Variants in MKLN1 observed in about 807,000 individuals in gnomAD.
MKLN1 encodes the protein muskelin 1.
A neutral mutation model predicts 99.0 loss-of-function variants in MKLN1; 18 were observed. That is an observed-to-expected ratio of 0.18 (90% confidence interval 0.13 to 0.27). The LOEUF (loss-of-function observed/expected upper bound fraction) is 0.27. Among genes scored for constraint, MKLN1 ranks in the 10% least tolerant of loss-of-function variants. The pLI is 1.00. For synonymous variants in MKLN1, 288 were observed against 293.2 expected (o/e 0.98, Z 0.18); for missense variants, 621 against 875.9 (o/e 0.71, Z 3.67).
chr7:131,438,943 C>G (rs1177530273), intron 10 of MKLN1, among the ~76,000 whole-genome samples: 1 of 151,822 alleles, frequency 6.6e-6, no homozygotes, highest in Non-Finnish European at 1.5e-5. Context: ...TATCCTATTG[C>G]CATATTTCTA....
intron 8 of MKLN1, among the ~76,000 whole-genome samples, chr7:131,416,979 CAAAAAAAAA>C (rs374145180): frequency 6.1e-5 from 3 of 49,564 alleles, no homozygotes; most frequent in African/African-American, 1.3e-4. Flanking sequence ...GCAACCCTGT[CAAAAAAAAA>C]AAAAAAAAAA....
chr7:131,478,885 T>C (rs1797040989), intron 17 of MKLN1: 1 of 611,718 alleles, frequency 1.6e-6, no homozygotes, highest in East Asian at 2.8e-5. Context: ...ATGACTATTA[T>C]ACCAATTGCT....
At chr7:131,315,896 T>G (rs983678721) in intron 3 of MKLN1, among the ~76,000 whole-genome samples, 2 of 152,164 alleles carry the variant, frequency 1.3e-5, no homozygotes, top group Non-Finnish European at 2.9e-5. Context: ...ACAGCCCCAG[T>G]CAGGGGCTTA....
In MKLN1 at chr7:131,200,645, A is replaced by G. The variant is rs1418753184; in HGVS notation, c.-296-2212A>G. 2.0e-5 allele frequency among the ~76,000 whole-genome samples: 3 copies of G among 152,226 alleles called. No homozygotes were observed. In the East Asian group the frequency reaches 5.8e-4, roughly 29 times the overall value. ...GGTAACCATTATATCAAAATTGAAGATAATTACTTAATCAAAAGTACAGAT... is the reference window on the plus strand; with the variant it reads ...GGTAACCATTATATCAAAATTGAAGGTAATTACTTAATCAAAAGTACAGAT... On this transcript the variant is annotated intron_variant, in intron 2 of 7. Coordinates refer to the MKLN1 transcript ENST00000416992.
At chr7:131,353,586 ACTTAAAAGT>A (rs1799782413) in intron 1 of MKLN1, among the ~76,000 whole-genome samples, 1 of 152,052 alleles carries the variant, frequency 6.6e-6, no homozygotes, top group Non-Finnish European at 1.5e-5. Flanking sequence ...CTTTTCAACC[ACTTAAAAGT>A]CTTTCTCAAA....
intron 3 of MKLN1, among the ~76,000 whole-genome samples, chr7:131,312,872 T>C (rs1230960993): frequency 1.3e-5 from 2 of 152,180 alleles, no homozygotes; most frequent in Non-Finnish European, 2.9e-5. Context: ...ATGGAGACAA[T>C]GCCTGGAGGA....
At chr7:131,381,133 CA>C (rs1264492331) in intron 2 of MKLN1, among the ~76,000 whole-genome samples, 1 of 152,128 alleles carries the variant, frequency 6.6e-6, no homozygotes, top group African/African-American at 2.4e-5. Flanking sequence ...TTATCTAACA[CA>C]TGTATTTTCT....
rs757228560 is a variant in MKLN1, at chr7:131,387,221, T to C, written c.270T>C (p.Phe90=). The C allele has an allele frequency of 1.2e-6, 2 of 1,612,750 alleles. No homozygotes were observed. Among genetic ancestry groups the C allele is most frequent in the South Asian group, 1.1e-5 (1 of 90,858 alleles). ...HVCNLKKFKV[F]GGMNEENMTE... The stretch of plus-strand genomic sequence containing the variant: ...GCAATTTGAAGAAATTTAAAGTCTT[T>C]GGTGGAATGAATGAAGAAAATATGA... The change falls in exon 3 of 18, where the codon TTT becomes TTC. Residue 90 remains phenylalanine, a synonymous_variant. Transcript: ENST00000352689.
intron 2 of MKLN1, among the ~76,000 whole-genome samples, chr7:131,200,932 T>A (rs893677912): frequency 6.6e-6 from 1 of 152,208 alleles, no homozygotes; most frequent in Non-Finnish European, 1.5e-5. Context: ...TTACTGTTAT[T>A]GTATTTAACG....
At chr7:131,143,756 A>C (rs1363274382) in intron 2 of MKLN1, among the ~76,000 whole-genome samples, 4 of 152,204 alleles carry the variant, frequency 2.6e-5, no homozygotes, top group Non-Finnish European at 5.9e-5. Flanking sequence ...TGAGACCAGG[A>C]GTTCAAGGCT....
At chr7:131,316,293 G>C (rs146445645) in intron 3 of MKLN1, among the ~76,000 whole-genome samples, 1,950 of 152,320 alleles carry the variant, frequency 0.013, 50 homozygotes, top group African/African-American at 0.044. Flanking sequence ...AACCTCCACT[G>C]GTGATACCCA....
chr7:131,208,374 G>A (rs1468939615), intron 3 of MKLN1, among the ~76,000 whole-genome samples: 1 of 152,138 alleles, frequency 6.6e-6, no homozygotes, highest in Non-Finnish European at 1.5e-5. Flanking sequence ...CTAGCAGATC[G>A]TTTGAGCCCA....
chr7:131,157,753 C>A (rs899869257), intron 2 of MKLN1, among the ~76,000 whole-genome samples: 4 of 151,892 alleles, frequency 2.6e-5, no homozygotes, highest in African/African-American at 9.7e-5. Flanking sequence ...CAGAAGAGAG[C>A]AGAGAGGTAT....
intron 1 of MKLN1, among the ~76,000 whole-genome samples, chr7:131,365,809 G>T (rs1181479731): frequency 6.6e-6 from 1 of 150,566 alleles, no homozygotes; most frequent in Non-Finnish European, 1.5e-5. Flanking sequence ...TTTTATGTGT[G>T]TTTTTTTTTA....
chr7:131,409,485 AAAG>A (rs1301232511), intron 6 of MKLN1, among the ~76,000 whole-genome samples: 2 of 152,338 alleles, frequency 1.3e-5, no homozygotes, highest in African/African-American at 2.4e-5. Context: ...TCTCAAAGGC[AAAG>A]AAGAAAGGAA....
intron 3 of MKLN1, among the ~76,000 whole-genome samples, chr7:131,254,735 ATTAT>A (rs567776679): frequency 5.8e-4 from 88 of 152,284 alleles, no homozygotes; most frequent in Admixed American, 4.3e-3. Context: ...ATAGATAGAG[ATTAT>A]TTAATCTCAA....
intron 3 of MKLN1, among the ~76,000 whole-genome samples, chr7:131,292,918 T>C (rs939566358): frequency 2.0e-5 from 3 of 152,218 alleles, no homozygotes; most frequent in Admixed American, 6.5e-5. Flanking sequence ...ACAGCACTAA[T>C]AGTGGGACAA....
intron 3 of MKLN1, among the ~76,000 whole-genome samples, chr7:131,211,594 AC>A (rs1235763863): frequency 7.5e-6 from 1 of 133,780 alleles, no homozygotes; most frequent in Non-Finnish European, 1.7e-5. Flanking sequence ...ATTACAACCA[AC>A]CCTTGTGTTT....
At chr7:131,266,290 T>C (rs1275836324) in intron 3 of MKLN1, among the ~76,000 whole-genome samples, 1 of 152,174 alleles carries the variant, frequency 6.6e-6, no homozygotes, top group African/African-American at 2.4e-5. Flanking sequence ...ACCAGAATTT[T>C]GTTTCTTGCA....
Sources: allele counts gnomAD v4.1 joint callset (sites outside exome capture counted in the v4.1 genomes callset), GRCh38; gene constraint gnomAD v4.1.1; transcripts MANE v1.5; gene names NCBI Gene and HGNC (gene_info 2026-07-23, HGNC 2026-07-21).